GMDS: variants seen among roughly 807,000 people sequenced by gnomAD.
GMDS encodes GDP-mannose 4,6-dehydratase, also known as GDP-mannose 4,6 dehydratase.
A neutral mutation model predicts 49.9 loss-of-function variants in GMDS; 20 were observed. That is an observed-to-expected ratio of 0.40 (90% CI 0.28 to 0.58). The LOEUF is 0.58. Among genes scored for constraint, GMDS ranks in the 20% least tolerant of loss-of-function variants. GMDS has a pLI of 0.42. For missense variants in GMDS, 362 were observed against 481.4 expected (o/e 0.75, Z 2.32); for synonymous variants, 177 against 178.6 (o/e 0.99, Z 0.07).
intron 1 of GMDS, among the ~76,000 whole-genome samples, chr6:2,211,907 C>A (rs1780078945): frequency 6.6e-6 from 1 of 152,122 alleles, no homozygotes; most frequent in Admixed American, 6.5e-5. Flanking sequence ...AAAAGCCTTC[C>A]AAAAATATGA....
At chr6:2,093,294 G>GA (rs1773421477) in intron 4 of GMDS, among the ~76,000 whole-genome samples, 1 of 152,030 alleles carries the variant, frequency 6.6e-6, no homozygotes, top group South Asian at 2.1e-4. Context: ...GAAAACACTT[G>GA]AAAAAACACA....
chr6:1,696,000 C>T (rs760514733), intron 9 of GMDS, among the ~76,000 whole-genome samples: 3 of 149,176 alleles, frequency 2.0e-5, no homozygotes, highest in South Asian at 2.1e-4. Flanking sequence ...GTTGAACCCA[C>T]GTGGACCAGC....
intron 9 of GMDS, among the ~76,000 whole-genome samples, chr6:1,656,122 AT>A (rs1228901809): frequency 2.0e-5 from 3 of 152,194 alleles, no homozygotes; most frequent in Admixed American, 2.0e-4. Flanking sequence ...ATTAGCCTGA[AT>A]TTTATTTATA....
intron 7 of GMDS, among the ~76,000 whole-genome samples, chr6:1,809,426 A>G (rs1308961853): frequency 6.6e-6 from 1 of 152,226 alleles, no homozygotes; most frequent in African/African-American, 2.4e-5. Context: ...CTAAAGCACA[A>G]TAGCCTAGGC....
intron 7 of GMDS, among the ~76,000 whole-genome samples, chr6:1,905,092 G>A (rs1298751887): frequency 1.3e-5 from 2 of 152,214 alleles, no homozygotes; most frequent in Non-Finnish European, 1.5e-5. Flanking sequence ...CCATCCCAGC[G>A]ACTTACCTGC....
At chr6:2,054,906 G>C (rs1235380154) in intron 4 of GMDS, among the ~76,000 whole-genome samples, 1 of 152,012 alleles carries the variant, frequency 6.6e-6, no homozygotes, top group African/African-American at 2.4e-5. Flanking sequence ...GAAATTAGCA[G>C]AGAAGGATCT....
intron 7 of GMDS, among the ~76,000 whole-genome samples, chr6:1,896,797 G>A (rs894984746): frequency 1.9e-4 from 29 of 152,126 alleles, no homozygotes; most frequent in African/African-American, 3.6e-4. Context: ...GCCATCAAGC[G>A]TCTACACTGC....
At chr6:1,736,803 T>C (rs373892493) in intron 8 of GMDS, among the ~76,000 whole-genome samples, 23 of 152,208 alleles carry the variant, frequency 1.5e-4, no homozygotes, top group African/African-American at 5.5e-4. Context: ...GCTCATTACA[T>C]GAGAGTTCTG....
rs554411342 is a variant in GMDS, at chr6:1,630,083, A to T, written c.988-5543T>A. Among the ~76,000 whole-genome samples the T allele has an allele frequency of 1.4e-3, 220 of 152,346 alleles. 3 individuals are homozygous for T. The highest frequency in any genetic ancestry group is 5.0e-3 in the African/African-American group (207 of 41,574). Reference sequence around the variant, plus strand: ...ATGGATCTTTTTTCATTTATATTTTAAAAATATGGTTGACATAGTTGACAT... The same window carrying T: ...ATGGATCTTTTTTCATTTATATTTTTAAAATATGGTTGACATAGTTGACAT... On this transcript the variant is annotated intron_variant, in intron 9 of 10. Transcript: ENST00000380815.
At chr6:2,116,283 CTCTTT>C (rs1318977955) in intron 3 of GMDS, among the ~76,000 whole-genome samples, 1 of 152,056 alleles carries the variant, frequency 6.6e-6, no homozygotes, top group Non-Finnish European at 1.5e-5. Context: ...GAAGACAGCT[CTCTTT>C]TCTTTAGATA....
chr6:1,815,145 G>A (rs1431369201), intron 7 of GMDS, among the ~76,000 whole-genome samples: 4 of 152,116 alleles, frequency 2.6e-5, no homozygotes, highest in Non-Finnish European at 5.9e-5. Flanking sequence ...TCCACTCTGT[G>A]TTCAAATACT....
chr6:1,716,002 CA>C (rs553808042), intron 9 of GMDS, among the ~76,000 whole-genome samples: 1 of 152,090 alleles, frequency 6.6e-6, no homozygotes, highest in Non-Finnish European at 1.5e-5. Flanking sequence ...GACCTCTTTT[CA>C]AAAAATAATA....
chr6:1,890,021 T>C (rs1401141734), intron 7 of GMDS, among the ~76,000 whole-genome samples: 1 of 152,212 alleles, frequency 6.6e-6, no homozygotes, highest in Non-Finnish European at 1.5e-5. Context: ...ATGGACATCA[T>C]TCTACCAAAA....
intron 9 of GMDS, among the ~76,000 whole-genome samples, chr6:1,711,621 A>G (rs1237444740): frequency 2.0e-5 from 3 of 152,146 alleles, no homozygotes; most frequent in African/African-American, 7.2e-5. Context: ...TTTTGGAGAT[A>G]CTACTCTGCA....
intron 4 of GMDS, among the ~76,000 whole-genome samples, chr6:2,009,748 G>A (rs913446542): frequency 2.0e-5 from 3 of 152,140 alleles, no homozygotes; most frequent in Non-Finnish European, 4.4e-5. Flanking sequence ...TACAGAATGT[G>A]ATAAAAGCTG....
At chr6:1,796,980 T>C (rs1335712177) in intron 7 of GMDS, among the ~76,000 whole-genome samples, 2 of 152,188 alleles carry the variant, frequency 1.3e-5, no homozygotes, top group African/African-American at 4.8e-5. Flanking sequence ...AAATGATCCT[T>C]AGATCATGAC....
chr6:1,926,954 C>G (rs914196838), intron 7 of GMDS, among the ~76,000 whole-genome samples: 1 of 152,186 alleles, frequency 6.6e-6, no homozygotes, highest in African/African-American at 2.4e-5. Flanking sequence ...TCCATGGAAT[C>G]TGACCATTTC....
chr6:1,980,345 G>T (rs766997920), intron 4 of GMDS, among the ~76,000 whole-genome samples: 6 of 151,248 alleles, frequency 4.0e-5, no homozygotes, highest in African/African-American at 1.2e-4. Context: ...AGAAATGAAA[G>T]AAAAGTTACC....
At chr6:1,896,830 T>C (rs907179761) in intron 7 of GMDS, among the ~76,000 whole-genome samples, 1 of 152,180 alleles carries the variant, frequency 6.6e-6, no homozygotes, top group African/African-American at 2.4e-5. Flanking sequence ...TGGGAGTCTT[T>C]TTCCGGTTAA....
Sources: allele counts gnomAD v4.1 joint callset (sites outside exome capture counted in the v4.1 genomes callset), GRCh38; gene constraint gnomAD v4.1.1; transcripts MANE v1.5; gene names NCBI Gene and HGNC (gene_info 2026-07-23, HGNC 2026-07-21).